ZC3H12B: variants seen among roughly 807,000 people sequenced by gnomAD.
The protein encoded by ZC3H12B is probable ribonuclease ZC3H12B.
In ZC3H12B, 7 loss-of-function variants were observed where a neutral mutation model predicts 43.9. The observed-to-expected ratio is 0.16, with a 90% CI of 0.09 to 0.30. The LOEUF is 0.30. Ranked by LOEUF, ZC3H12B falls within the 10% of genes least tolerant of loss-of-function variation. ZC3H12B has a pLI of 1.00. For missense variants in ZC3H12B, 475 were observed against 670.2 expected (o/e 0.71, Z 3.22); for synonymous variants, 222 against 241.7 (o/e 0.92, Z 0.76).
At chrX:65,280,816 A>T in the ZC3H12B span, among the ~76,000 whole-genome samples, 1 of 111,955 alleles carries the variant, frequency 8.9e-6, no homozygotes, top group African/African-American at 3.2e-5. Flanking sequence ...ATACCTAGGA[A>T]TAAATTTAAC....
chrX:65,402,549 C>CGGTCCT (rs1243369078), intron 3 of ZC3H12B, among the ~76,000 whole-genome samples: 1 of 111,953 alleles, frequency 8.9e-6, no homozygotes, highest in Non-Finnish European at 1.9e-5. Context: ...TGACCCAGCA[C>CGGTCCT]GGTCCTAGTC....
the ZC3H12B span, among the ~76,000 whole-genome samples, chrX:65,068,707 T>A: frequency 8.9e-6 from 1 of 111,893 alleles, no homozygotes; most frequent in African/African-American, 3.3e-5. Flanking sequence ...TACTTAATAT[T>A]ACCAGCAAAT....
At chrX:65,375,010 A>G (rs2066325807) in intron 2 of ZC3H12B, among the ~76,000 whole-genome samples, 1 of 111,581 alleles carries the variant, frequency 9.0e-6, no homozygotes, top group Non-Finnish European at 1.9e-5. Flanking sequence ...CAGCCAAACC[A>G]TATCAGGCAC....
chrX:65,258,167 A>C, the ZC3H12B span, among the ~76,000 whole-genome samples: 1 of 111,454 alleles, frequency 9.0e-6, no homozygotes, highest in Non-Finnish European at 1.9e-5. Flanking sequence ...ATCCAACAGC[A>C]CATCAAAAAG....
chrX:65,090,633 T>C, the ZC3H12B span, among the ~76,000 whole-genome samples: 1 of 111,557 alleles, frequency 9.0e-6, no homozygotes, highest in African/African-American at 3.3e-5. Flanking sequence ...CTGGAACCTG[T>C]GAATGTTACC....
intron 2 of ZC3H12B, among the ~76,000 whole-genome samples, chrX:65,396,058 C>T: frequency 9.0e-6 from 1 of 110,901 alleles, no homozygotes; most frequent in Non-Finnish European, 1.9e-5. Flanking sequence ...TTTATTGGGT[C>T]GATTTGATTC....
chrX:65,288,511 GA>G, the ZC3H12B span, among the ~76,000 whole-genome samples: 7 of 112,422 alleles, frequency 6.2e-5, 1 homozygote, highest in African/African-American at 2.3e-4. Flanking sequence ...GTGTATAAAA[GA>G]ATAAATGTGA....
At chrX:65,073,325 G>T in the ZC3H12B span, among the ~76,000 whole-genome samples, 1 of 112,243 alleles carries the variant, frequency 8.9e-6, no homozygotes, top group African/African-American at 3.2e-5. Context: ...GTGTGGGAGG[G>T]GACAGGTTGT....
In ZC3H12B at chrX:65,457,733, C is replaced by T. The variant is rs1391618828; in HGVS notation, n.408-30913C>T. 4.5e-5 allele frequency among the ~76,000 whole-genome samples: 3 copies of T among 66,607 alleles called. No individual in the cohort carries two copies. In the East Asian group the frequency reaches 1.2e-3, roughly 27 times the overall value. 57.8% of individuals were successfully genotyped at this position (66,607 alleles called of 115,157 possible). On this transcript the variant is annotated intron_variant and non_coding_transcript_variant, in intron 3 of 5. Transcript: ENST00000617377. ...TTGTTCTGTACTAAGAAAAATTCTT[C>T]TGCCTTGGGATCCTGTTGATCTGTG...
At chrX:65,124,900 TG>T in the ZC3H12B span, among the ~76,000 whole-genome samples, 1 of 111,610 alleles carries the variant, frequency 9.0e-6, no homozygotes. Context: ...ATCTCATTAA[TG>T]GTCTATCAAT....
the ZC3H12B span, among the ~76,000 whole-genome samples, chrX:65,050,065 G>A: frequency 9.0e-6 from 1 of 111,082 alleles, no homozygotes; most frequent in Non-Finnish European, 1.9e-5. Flanking sequence ...TCAAAAGTGT[G>A]TTTTTTAATG....
the ZC3H12B span, among the ~76,000 whole-genome samples, chrX:65,214,186 A>G: frequency 9.0e-6 from 1 of 111,197 alleles, no homozygotes; most frequent in Non-Finnish European, 1.9e-5. Flanking sequence ...AGGGTGACTG[A>G]TAAGGGTGGC....
chrX:65,177,429 G>C, the ZC3H12B span, among the ~76,000 whole-genome samples: 1 of 111,873 alleles, frequency 8.9e-6, no homozygotes, highest in Admixed American at 9.6e-5. Context: ...TCTGGCCAGG[G>C]CAATCAGGCA....
At chrX:65,197,063 C>T in the ZC3H12B span, among the ~76,000 whole-genome samples, 1 of 111,630 alleles carries the variant, frequency 9.0e-6, no homozygotes, top group Non-Finnish European at 1.9e-5. Context: ...AGAAATGGAG[C>T]CAGCAAGTGC....
chrX:65,117,277 T>C, the ZC3H12B span, among the ~76,000 whole-genome samples: 6 of 112,231 alleles, frequency 5.3e-5, no homozygotes, highest in South Asian at 3.7e-4. Flanking sequence ...TGGTATCTCA[T>C]TGTGGTTTGG....
At chrX:65,169,340 A>G in the ZC3H12B span, among the ~76,000 whole-genome samples, 1 of 111,892 alleles carries the variant, frequency 8.9e-6, no homozygotes, top group African/African-American at 3.2e-5. Context: ...GTAGTTGAGC[A>G]GTTTTTAGTG....
the ZC3H12B span, among the ~76,000 whole-genome samples, chrX:65,105,686 C>T: frequency 9.0e-6 from 1 of 111,691 alleles, no homozygotes; most frequent in Admixed American, 9.5e-5. Flanking sequence ...AACAGGTACC[C>T]TGCCTTGGAG....
the ZC3H12B span, among the ~76,000 whole-genome samples, chrX:65,110,931 C>G: frequency 9.0e-6 from 1 of 111,472 alleles, no homozygotes; most frequent in East Asian, 2.8e-4. Flanking sequence ...TTTCAGCATA[C>G]AGATCCTCTC....
At chrX:65,183,098 G>T in the ZC3H12B span, among the ~76,000 whole-genome samples, 2 of 111,902 alleles carry the variant, frequency 1.8e-5, no homozygotes, top group African/African-American at 6.5e-5. Flanking sequence ...ATGTAAATCA[G>T]TCTACTCTAA....
Sources: gnomAD v4.1 joint callset for allele counts (sites outside exome capture counted in the v4.1 genomes callset) on GRCh38, gnomAD v4.1.1 for gene constraint, MANE v1.5 for transcripts, NCBI Gene and HGNC (gene_info 2026-07-23, HGNC 2026-07-21) for gene names.